EPB41L4A: variants seen among roughly 807,000 people sequenced by gnomAD.
The protein encoded by EPB41L4A is erythrocyte membrane protein band 4.1 like 4A.
EPB41L4A carries 100 observed loss-of-function variants against 108.6 expected under a neutral mutation model. That is an observed-to-expected ratio of 0.92 (90% confidence interval 0.78 to 1.09). EPB41L4A has a LOEUF of 1.09. Among genes scored for constraint, EPB41L4A ranks in the 50% least tolerant of loss-of-function variants. The probability of loss-of-function intolerance (pLI) is 0.00; values close to 1 mark genes in which losing one functional copy is unlikely to be tolerated. For missense variants in EPB41L4A, 1,030 were observed against 842.7 expected, an observed-to-expected ratio of 1.22 and a Z score of -2.75; for synonymous variants, 319 against 289.0, an observed-to-expected ratio of 1.10 and a Z score of -1.05.
intron 1 of EPB41L4A, among the ~76,000 whole-genome samples, chr5:112,351,857 A>G (rs1429441438): frequency 2.0e-5 from 3 of 152,258 alleles, no homozygotes; most frequent in African/African-American, 7.2e-5. Context: ...GCAAATCAAT[A>G]AATGTGATAC....
chr5:112,270,126 C>G (rs1275427816), intron 4 of EPB41L4A, among the ~76,000 whole-genome samples: 1 of 152,120 alleles, frequency 6.6e-6, no homozygotes, highest in Non-Finnish European at 1.5e-5. Flanking sequence ...AAAGAAGGGG[C>G]AGAGAGACAG....
intron 4 of EPB41L4A, among the ~76,000 whole-genome samples, chr5:112,268,470 C>A (rs1182618107): frequency 6.6e-6 from 1 of 152,072 alleles, no homozygotes; most frequent in African/African-American, 2.4e-5. Flanking sequence ...TTTACTACAC[C>A]CTCCTCCTTC....
rs1258820879 is a variant in EPB41L4A at position 112,392,382 on chromosome 5, C to T, written c.99+26559G>A. ...TCAAAATAAAGGGATGGAGGAAGAT[C>T]TACCAAGCAAATGGAAAGCAAAAAA... On this transcript the variant is annotated intron_variant, in intron 1 of 22. Coordinates refer to ENST00000261486, the MANE Select transcript of EPB41L4A (RefSeq NM_022140.5). Among the ~76,000 whole-genome samples the T allele has an allele frequency of 2.7e-5, 3 of 110,000 alleles. No homozygotes were observed. In the Admixed American group the frequency reaches 3.5e-4, roughly 13 times the overall value. The allele number at this position is 110,000 out of a possible 152,430, so 72.2% of individuals were successfully genotyped here. A position where few individuals can be genotyped will look rare whatever the true frequency, so the allele number is the denominator to read the frequency against.
At chr5:112,371,720 T>C (rs78614213) in intron 1 of EPB41L4A, among the ~76,000 whole-genome samples, 2,457 of 152,222 alleles carry the variant, frequency 0.016, 63 homozygotes, top group African/African-American at 0.054. Context: ...ATTGCTCTCA[T>C]TGTTTATTTA....
intron 1 of EPB41L4A, among the ~76,000 whole-genome samples, chr5:112,330,215 T>A (rs571556681): frequency 4.0e-5 from 6 of 151,648 alleles, no homozygotes; most frequent in African/African-American, 9.7e-5. Context: ...CTGTAGAGAG[T>A]GACATGGATT....
intron 17 of EPB41L4A, among the ~76,000 whole-genome samples, chr5:112,186,319 T>G (rs80324356): frequency 0.033 from 5,000 of 152,250 alleles, 313 homozygotes; most frequent in African/African-American, 0.11. Flanking sequence ...GAAGCACAGT[T>G]ACTGTATGTT....
intron 1 of EPB41L4A, among the ~76,000 whole-genome samples, chr5:112,353,942 T>C (rs1758213128): frequency 6.6e-6 from 1 of 152,170 alleles, no homozygotes; most frequent in Admixed American, 6.5e-5. Context: ...CCCCCAGTGA[T>C]GTACACGGCA....
chr5:112,275,162 C>G, intron 4 of EPB41L4A, 164 bp downstream of exon 4: 1 of 819,242 alleles, frequency 1.2e-6, no homozygotes, highest in Non-Finnish European at 1.8e-6. Context: ...AGACACTGAT[C>G]AACTTCATGC....
intron 22 of EPB41L4A, among the ~76,000 whole-genome samples, chr5:112,167,664 T>C (rs1760332307): frequency 6.6e-6 from 1 of 152,206 alleles, no homozygotes; most frequent in Non-Finnish European, 1.5e-5. Flanking sequence ...ATCTCAGCTC[T>C]AGAGCTCCCT....
intron 12 of EPB41L4A, among the ~76,000 whole-genome samples, chr5:112,223,477 A>G (rs1048350949): frequency 6.6e-6 from 1 of 152,196 alleles, no homozygotes; most frequent in African/African-American, 2.4e-5. Context: ...AAAGGTGTGG[A>G]ATCCTCAGAT....
intron 15 of EPB41L4A, among the ~76,000 whole-genome samples, chr5:112,203,661 A>C (rs951694856): frequency 6.6e-6 from 1 of 152,194 alleles, no homozygotes; most frequent in African/African-American, 2.4e-5. Flanking sequence ...CTGTGCTTTA[A>C]AAGGCGTTTT....
downstream of EPB41L4A, chr5:112,158,340 T>C: frequency 3.5e-6 from 1 of 282,328 alleles, no homozygotes. Flanking sequence ...TGCTACGTGA[T>C]TCCACAAACC....
At chr5:112,392,482 AG>A in intron 1 of EPB41L4A, among the ~76,000 whole-genome samples, 1 of 152,162 alleles carries the variant, frequency 6.6e-6, no homozygotes, top group South Asian at 2.1e-4. Context: ...AAAGATCAAA[AG>A]AAACACAGAA....
At chr5:112,180,193 G>C (rs1761075481) in intron 18 of EPB41L4A, among the ~76,000 whole-genome samples, 1 of 152,042 alleles carries the variant, frequency 6.6e-6, no homozygotes. Flanking sequence ...AGTCTTTGGG[G>C]GAAGGCAGTA....
At chr5:112,261,419 T>C (rs1751474153) in intron 7 of EPB41L4A, among the ~76,000 whole-genome samples, 1 of 152,220 alleles carries the variant, frequency 6.6e-6, no homozygotes, top group Non-Finnish European at 1.5e-5. Flanking sequence ...AAAATCAGTC[T>C]ATAAATACTC....
intron 1 of EPB41L4A, among the ~76,000 whole-genome samples, chr5:112,349,064 A>G (rs1757869621): frequency 1.3e-5 from 2 of 152,216 alleles, no homozygotes; most frequent in Non-Finnish European, 2.9e-5. Context: ...AGGAGTAGCC[A>G]CAACTTCAAA....
chr5:112,346,215 C>CTTTTTT (rs1479210695), intron 1 of EPB41L4A, among the ~76,000 whole-genome samples: 9 of 49,068 alleles, frequency 1.8e-4, no homozygotes, highest in African/African-American at 2.7e-4. Flanking sequence ...AGGTACATTG[C>CTTTTTT]ATTTTTTTTT....
chr5:112,188,921 G>T (rs1428889614), intron 17 of EPB41L4A, among the ~76,000 whole-genome samples: 1 of 152,116 alleles, frequency 6.6e-6, no homozygotes, highest in South Asian at 2.1e-4. Flanking sequence ...TTCTAGATTT[G>T]CCCTAGTCAG....
At chr5:112,412,352 C>T (rs1457395827) in intron 1 of EPB41L4A, among the ~76,000 whole-genome samples, 1 of 152,218 alleles carries the variant, frequency 6.6e-6, no homozygotes, top group African/African-American at 2.4e-5. Context: ...CTATTCCAGA[C>T]CTTGATGAAT....
Sources: allele counts gnomAD v4.1 joint callset (sites outside exome capture counted in the v4.1 genomes callset), GRCh38; gene constraint gnomAD v4.1.1; transcripts MANE v1.5; gene names NCBI Gene and HGNC (gene_info 2026-07-23, HGNC 2026-07-21).